AMOTL1: variants seen among roughly 807,000 people sequenced by gnomAD.
AMOTL1 encodes angiomotin-like protein 1.
Under a neutral mutation model 102.9 loss-of-function variants are expected in AMOTL1, and 45 were observed. The observed-to-expected ratio is 0.44, with a 90% CI of 0.34 to 0.56. AMOTL1 has a LOEUF of 0.56. AMOTL1 is among the 20% of genes least tolerant of loss of function. The pLI, the probability that AMOTL1 is intolerant of heterozygous loss-of-function variation, is 0.01. For missense variants in AMOTL1, 1,114 were observed against 1,225.6 expected (o/e 0.91, Z 1.36); for synonymous variants, 481 against 484.7 (o/e 0.99, Z 0.10).
chr11:94,810,927 C>G (rs1951670456), intron 3 of AMOTL1, among the ~76,000 whole-genome samples: 1 of 151,368 alleles, frequency 6.6e-6, no homozygotes, highest in Non-Finnish European at 1.5e-5. Flanking sequence ...CATTGAGCTA[C>G]TTAAGAAAAA....
chr11:94,868,135 G>A (rs532556687), intron 11 of AMOTL1, among the ~76,000 whole-genome samples: 3 of 152,282 alleles, frequency 2.0e-5, no homozygotes, highest in East Asian at 1.9e-4. Flanking sequence ...TCCTTTTAAC[G>A]GTATAGCCAA....
chr11:94,852,956 T>G (rs569289161), intron 7 of AMOTL1, among the ~76,000 whole-genome samples: 8 of 152,350 alleles, frequency 5.3e-5, no homozygotes, highest in African/African-American at 1.9e-4. Context: ...GAATTGCCAT[T>G]CTGTCATATA....
intron 3 of AMOTL1, among the ~76,000 whole-genome samples, chr11:94,745,419 A>G (rs893471229): frequency 3.3e-5 from 5 of 152,300 alleles, no homozygotes; most frequent in South Asian, 2.1e-4. Context: ...AAACTCAGGT[A>G]TGGTTAAAAG....
At chr11:94,734,989 C>CTTTA in intron 2 of AMOTL1, among the ~76,000 whole-genome samples, 1 of 152,188 alleles carries the variant, frequency 6.6e-6, no homozygotes, top group Non-Finnish European at 1.5e-5. Context: ...GATAAAGTTT[C>CTTTA]TCCCCATGTG....
intron 7 of AMOTL1, among the ~76,000 whole-genome samples, chr11:94,852,703 T>C (rs1952568937): frequency 6.6e-6 from 1 of 152,190 alleles, no homozygotes; most frequent in Non-Finnish European, 1.5e-5. Flanking sequence ...TCCTCAGTTA[T>C]TGTGTTGTTG....
intron 1 of AMOTL1, among the ~76,000 whole-genome samples, chr11:94,775,900 C>G (rs563262554): frequency 1.3e-5 from 2 of 152,338 alleles, no homozygotes; most frequent in East Asian, 1.9e-4. Flanking sequence ...CATTTGAAAG[C>G]TGGGTCAGCA....
At chr11:94,719,720 A>T (rs951656324) in intron 1 of AMOTL1, among the ~76,000 whole-genome samples, 7 of 152,110 alleles carry the variant, frequency 4.6e-5, no homozygotes, top group Admixed American at 3.9e-4. Context: ...CTCACTTTGG[A>T]TAATTCCTCA....
chr11:94,744,458 G>C (rs910476592), intron 3 of AMOTL1, among the ~76,000 whole-genome samples: 1 of 152,004 alleles, frequency 6.6e-6, no homozygotes, highest in African/African-American at 2.4e-5. Context: ...CCTCATTTAG[G>C]GTTTTTATGG....
chr11:94,855,895 AAT>A (rs1952651912), intron 8 of AMOTL1, among the ~76,000 whole-genome samples: 1 of 152,088 alleles, frequency 6.6e-6, no homozygotes, highest in Non-Finnish European at 1.5e-5. Flanking sequence ...GAAATTTCAG[AAT>A]TGAGGCTCTC....
intron 3 of AMOTL1, among the ~76,000 whole-genome samples, chr11:94,750,558 T>G (rs2135488968): frequency 6.6e-6 from 1 of 152,302 alleles, no homozygotes; most frequent in Non-Finnish European, 1.5e-5. Context: ...GGGCTACGTG[T>G]GCGTAGCCTT....
At position 94,799,868 on chromosome 11, in the gene AMOTL1, G is replaced by C. The variant is rs77290994; in HGVS notation, c.678G>C (p.Gln226His). 1 of 1,592,550 alleles carries C rather than the reference G, an allele frequency of 6.3e-7. No homozygotes were observed. The highest frequency in any genetic ancestry group is 1.3e-5 in the African/African-American group (1 of 74,578). Residue 226 changes from glutamine to histidine, a missense_variant, in exon 3 of 13, where the codon CAG (glutamine) becomes CAC (histidine). Coordinates refer to ENST00000433060, the MANE Select transcript of AMOTL1 (RefSeq NM_130847.3). This position sits in a 1 kb window ranked among gnomAD's most constrained non-coding sequence, Gnocchi z 4.5. ...HGYYMAGGTS[Q>H]KSRTEGRPTV... ...ACTACATGGCAGGGGGCACCAGTCA[G>C]AAGTCCCGAACTGAGGGGAGGCCCA...
chr11:94,863,742 G>C (rs1306950196), intron 9 of AMOTL1, among the ~76,000 whole-genome samples: 1 of 152,216 alleles, frequency 6.6e-6, no homozygotes, highest in Non-Finnish European at 1.5e-5. Flanking sequence ...TCACTTAGAT[G>C]ATGCAGTGAT....
intron 1 of AMOTL1, among the ~76,000 whole-genome samples, chr11:94,715,168 G>A (rs1244256317): frequency 6.6e-6 from 1 of 152,030 alleles, no homozygotes; most frequent in Admixed American, 6.6e-5. Context: ...TGTGCCTAAA[G>A]GTTTTTCTGT....
chr11:94,870,767 A>G lies in AMOTL1; in HGVS notation c.2843A>G (p.Asp948Gly), dbSNP rs762252791. 1.2e-6 allele frequency: 2 copies of G among 1,600,738 alleles called. No individual in the cohort carries two copies. Among genetic ancestry groups the G allele is most frequent in the East Asian group, 4.5e-5 (2 of 44,588 alleles). Reference sequence around the variant, plus strand: ...TTGCTGCACAAGCCCGAGTTCCCTGATGGAGAGATGATGGAAGTCCTCATC... The same window carrying G: ...TTGCTGCACAAGCCCGAGTTCCCTGGTGGAGAGATGATGGAAGTCCTCATC... ...SSLLHKPEFP[D>G]GEMMEVLI The change falls in exon 13 of 13, where the codon GAT becomes GGT. Residue 948 changes from aspartate to glycine, a missense_variant. Transcript: ENST00000433060.
intron 10 of AMOTL1, 76 bp downstream of exon 10, chr11:94,864,936 T>G: frequency 7.3e-6 from 11 of 1,502,796 alleles, no homozygotes; most frequent in Non-Finnish European, 8.9e-6. Flanking sequence ...ATTGCTTCTC[T>G]GTCCTGTTCT....
At chr11:94,808,801 ATTAATT>A (rs556155836) in intron 3 of AMOTL1, among the ~76,000 whole-genome samples, 62 of 152,186 alleles carry the variant, frequency 4.1e-4, no homozygotes, top group Non-Finnish European at 8.4e-4. Context: ...GACAAATGAA[ATTAATT>A]TTAAAGCATA....
Position 94,870,778 on chromosome 11 carries a change from A to G in AMOTL1, c.2854A>G (p.Met952Val), listed in dbSNP as rs765722748. Residue 952 changes from methionine (M) to valine (V), a missense_variant, in exon 13 of 13, where the codon ATG (methionine) becomes GTG (valine). Transcript: ENST00000433060. ...GCCCGAGTTCCCTGATGGAGAGATG[A>G]TGGAAGTCCTCATCTAACTGCCATC... ...HKPEFPDGEMMEVLI is the reference protein window; with the variant it reads ...HKPEFPDGEMVEVLI 1.3e-6 allele frequency: 2 copies of G among 1,598,880 alleles called. No individual in the cohort carries two copies. The highest frequency in any genetic ancestry group is 1.7e-6 in the Non-Finnish European group (2 of 1,171,342).
In AMOTL1 at chr11:94,853,946, A is replaced by G; in HGVS notation, c.1808A>G (p.Gln603Arg). 1 of 1,609,234 alleles carries G rather than the reference A, an allele frequency of 6.2e-7. No individual in the cohort carries two copies. Among genetic ancestry groups the G allele is most frequent in the Non-Finnish European group, 8.5e-7 (1 of 1,177,614 alleles). ...IKLEEELREKQAYVEKVEKLQ... is the reference protein window; with the variant it reads ...IKLEEELREKRAYVEKVEKLQ... ...TTCTCCACTCAGTTACGAGAGAAGC[A>G]AGCATATGTTGAGAAAGTTGAGAAG... is the stretch of plus-strand genomic sequence containing the variant. Residue 603 changes from glutamine (Q) to arginine (R), a missense_variant, in exon 8 of 13, where the codon CAA (glutamine) becomes CGA (arginine). Coordinates refer to ENST00000433060, the MANE Select transcript of AMOTL1 (RefSeq NM_130847.3).
intron 3 of AMOTL1, among the ~76,000 whole-genome samples, chr11:94,750,870 A>G (rs1950645000): frequency 6.6e-6 from 1 of 152,182 alleles, no homozygotes; most frequent in Non-Finnish European, 1.5e-5. Context: ...CTTTTCCATG[A>G]TTAATCTTGT....
Sources: gnomAD v4.1 joint callset for allele counts (sites outside exome capture counted in the v4.1 genomes callset) on GRCh38, gnomAD v4.1.1 for gene constraint, Gnocchi (gnomAD v3.1) non-coding constraint, MANE v1.5 for transcripts, NCBI Gene and HGNC (gene_info 2026-07-23, HGNC 2026-07-21) for gene names.